The following STPG1 variants were observed in gnomAD, a reference collection of about 807,000 sequenced individuals.
STPG1 encodes the protein sperm tail PG-rich repeat containing 1.
In STPG1, 33 loss-of-function variants were observed where a neutral mutation model predicts 40.1. The observed-to-expected ratio is 0.82, with a 90% CI of 0.62 to 1.10. The LOEUF (loss-of-function observed/expected upper bound fraction) is 1.10. Among genes scored for constraint, STPG1 ranks in the 50% least tolerant of loss-of-function variants. The pLI is 0.00. For missense variants in STPG1, 396 were observed against 415.1 expected, an observed-to-expected ratio of 0.95 and a Z score of 0.40; for synonymous variants, 150 against 155.0, an observed-to-expected ratio of 0.97 and a Z score of 0.24.
chr1:24,372,148 A>G (rs1271955036), intron 6 of STPG1, among the ~76,000 whole-genome samples: 2 of 152,232 alleles, frequency 1.3e-5, no homozygotes, highest in Non-Finnish European at 2.9e-5. Context: ...ACTGCACTCC[A>G]GCCTGGGTAA....
chr1:24,362,004 C>T (rs1403063365), intron 7 of STPG1, among the ~76,000 whole-genome samples: 1 of 152,220 alleles, frequency 6.6e-6, no homozygotes, highest in Non-Finnish European at 1.5e-5. Context: ...AGGGCCGCCT[C>T]CTTCTGGCTC....
chr1:24,374,878 G>A (rs1012354182), intron 5 of STPG1, among the ~76,000 whole-genome samples: 3 of 151,776 alleles, frequency 2.0e-5, no homozygotes, highest in Non-Finnish European at 4.4e-5. Context: ...TGCCCACCTC[G>A]GCCTCCCAAA....
At chr1:24,390,876 T>C (rs1265303451) in intron 3 of STPG1, among the ~76,000 whole-genome samples, 1 of 98,380 alleles carries the variant, frequency 1.0e-5, no homozygotes, top group Non-Finnish European at 1.9e-5. Flanking sequence ...CTTGGTTCAA[T>C]GCAGCCTCGA....
In STPG1 at chr1:24,373,729, C is replaced by T. The variant is rs369015970; in HGVS notation, c.544G>A (p.Ala182Thr). 27 of 1,611,502 alleles carry T rather than the reference C, an allele frequency of 1.7e-5. No homozygotes were observed. Among genetic ancestry groups the T allele is most frequent in the Middle Eastern group, 1.6e-4 (1 of 6,082 alleles). The change falls in exon 6 of 9, where the codon GCT becomes ACT. Residue 182 changes from alanine to threonine, a missense_variant. Transcript: ENST00000337248. ...FMSKTQRGSF[A>T]FADKGPPPGH... ...GGGGGAGGTCCTTTATCAGCAAAAGCGAAAGATCCTCTTTGGGTTTTTGAC... is the reference window on the plus strand; with the variant it reads ...GGGGGAGGTCCTTTATCAGCAAAAGTGAAAGATCCTCTTTGGGTTTTTGAC...
chr1:24,376,405 G>T (rs149690242), intron 5 of STPG1, among the ~76,000 whole-genome samples: 2 of 152,172 alleles, frequency 1.3e-5, no homozygotes, highest in Admixed American at 1.3e-4. Flanking sequence ...GTTTCTACAG[G>T]GCTTGAATAT....
chr1:24,367,053 G>C (rs1641504084), intron 7 of STPG1, among the ~76,000 whole-genome samples: 1 of 152,232 alleles, frequency 6.6e-6, no homozygotes, highest in South Asian at 2.1e-4. Context: ...CAGACACGCA[G>C]TCCCGCTGCA....
intron 3 of STPG1, among the ~76,000 whole-genome samples, chr1:24,385,527 G>A (rs992897964): frequency 1.3e-5 from 2 of 152,198 alleles, no homozygotes; most frequent in African/African-American, 2.4e-5. Flanking sequence ...TTCAGGGCAA[G>A]CATCAATTTC....
chr1:24,387,092 G>C (rs1277436312), intron 3 of STPG1, among the ~76,000 whole-genome samples: 1 of 152,174 alleles, frequency 6.6e-6, no homozygotes, highest in Non-Finnish European at 1.5e-5. Context: ...CAAACCTTCA[G>C]AGTGGGACTG....
intron 3 of STPG1, among the ~76,000 whole-genome samples, chr1:24,385,564 T>TG (rs1222973447): frequency 6.6e-6 from 1 of 152,236 alleles, no homozygotes; most frequent in Non-Finnish European, 1.5e-5. Flanking sequence ...TGCCATGCAC[T>TG]GTTCTGAGGA....
intron 2 of STPG1, among the ~76,000 whole-genome samples, chr1:24,398,483 C>G (rs1411731444): frequency 2.6e-5 from 4 of 152,006 alleles, no homozygotes; most frequent in Non-Finnish European, 5.9e-5. Context: ...CTGAAGGTCT[C>G]TAGCCAATAC....
chr1:24,400,440 A>T (rs879752435), intron 2 of STPG1, among the ~76,000 whole-genome samples: 4 of 152,226 alleles, frequency 2.6e-5, no homozygotes, highest in Non-Finnish European at 5.9e-5. Context: ...GTTATTCCAT[A>T]GGTGGTGTTT....
At chr1:24,379,585 CCT>C in intron 5 of STPG1, 66 bp downstream of exon 5, 1 of 1,544,872 alleles carries the variant, frequency 6.5e-7, no homozygotes, top group South Asian at 1.1e-5. Context: ...CCCAAGATCC[CCT>C]CTTCCTTTTA....
At chr1:24,378,725 A>G (rs1642145601) in intron 5 of STPG1, among the ~76,000 whole-genome samples, 1 of 152,162 alleles carries the variant, frequency 6.6e-6, no homozygotes, top group Admixed American at 6.5e-5. Context: ...AGGAAATGGT[A>G]TAATAAATGT....
intron 2 of STPG1, 29 bp downstream of exon 2, chr1:24,401,290 C>G (rs61772837): frequency 4.4e-6 from 7 of 1,606,568 alleles, no homozygotes; most frequent in Non-Finnish European, 6.0e-6. Context: ...ATGTCAGGAG[C>G]TATCTCCTCC....
intron 1 of STPG1, among the ~76,000 whole-genome samples, chr1:24,410,220 T>C (rs1643562791): frequency 1.3e-5 from 2 of 152,204 alleles, no homozygotes; most frequent in Admixed American, 1.3e-4. Context: ...TCTTGGAACA[T>C]ATCCCCCTTG....
intron 4 of STPG1, among the ~76,000 whole-genome samples, chr1:24,381,426 C>G (rs1020797169): frequency 6.6e-6 from 1 of 152,226 alleles, no homozygotes; most frequent in Non-Finnish European, 1.5e-5. Context: ...GGCCTCCAAT[C>G]TGGCCAAATG....
At chr1:24,394,490 G>C (rs974048556) in intron 2 of STPG1, among the ~76,000 whole-genome samples, 2 of 152,150 alleles carry the variant, frequency 1.3e-5, no homozygotes, top group African/African-American at 4.8e-5. Context: ...AAAGTGGGGA[G>C]AAAATAAATG....
rs1158470263 is a variant in STPG1, at chr1:24,391,555, C to T, written c.189+6G>A. 1.3e-6 allele frequency: 2 copies of T among 1,492,714 alleles called. No individual in the cohort carries two copies. Among genetic ancestry groups the T allele is most frequent in the Non-Finnish European group, 9.1e-7 (1 of 1,095,176 alleles). The allele number at this position is 1,492,714 out of a possible 1,614,324, so 92.5% of individuals were successfully genotyped here. On this transcript the variant is annotated splice_donor_region_variant and intron_variant, in intron 3 of 8. Transcript: ENST00000337248. Reference sequence around the variant, plus strand: ...AACGAAAGAACCCCTGAGACAACGTCATTACCTTCTTATGAGGAAATCTCT... The same window carrying T: ...AACGAAAGAACCCCTGAGACAACGTTATTACCTTCTTATGAGGAAATCTCT...
intron 8 of STPG1, among the ~76,000 whole-genome samples, chr1:24,360,402 C>T (rs1186096364): frequency 2.6e-5 from 4 of 152,142 alleles, no homozygotes; most frequent in Non-Finnish European, 5.9e-5. Flanking sequence ...GCCAAGACCG[C>T]ACTACTGCAC....
Sources: gnomAD v4.1 joint callset for allele counts (sites outside exome capture counted in the v4.1 genomes callset) on GRCh38, gnomAD v4.1.1 for gene constraint, MANE v1.5 for transcripts, NCBI Gene and HGNC (gene_info 2026-07-23, HGNC 2026-07-21) for gene names.